SOD2: variants seen among roughly 807,000 people sequenced by gnomAD.
SOD2 encodes superoxide dismutase [Mn], mitochondrial.
A neutral mutation model predicts 27.0 loss-of-function variants in SOD2; 11 were observed. The observed-to-expected ratio is 0.41, with a 90% CI of 0.26 to 0.67. The LOEUF (loss-of-function observed/expected upper bound fraction) is 0.67. Ranked by LOEUF, SOD2 falls within the 30% of genes least tolerant of loss-of-function variation. The pLI is 0.34. For synonymous variants in SOD2, 105 were observed against 103.0 expected, an observed-to-expected ratio of 1.02 and a Z score of -0.12; for missense variants, 250 against 274.5, an observed-to-expected ratio of 0.91 and a Z score of 0.63.
chr6:159,698,858 A>T (rs1013859938), intron 1 of SOD2, among the ~76,000 whole-genome samples: 4 of 146,568 alleles, frequency 2.7e-5, no homozygotes, highest in Non-Finnish European at 5.9e-5. Context: ...GCAGAAGTGG[A>T]TCATCATAAA....
chr6:159,694,823 C>T (rs1413491196), upstream of SOD2, among the ~76,000 whole-genome samples: 2 of 150,272 alleles, frequency 1.3e-5, no homozygotes, highest in African/African-American at 4.9e-5. Context: ...AGGATGGTCT[C>T]GAACGCCTGA....
rs1317199283 is a variant in SOD2, at chr6:159,670,471, C to T, written c.*12022G>A. ...TGTAAGCACTACCAGCAAGTATACC[C>T]TACTGGTTGGAGAACTTTGTTTAAA... On this transcript the variant is annotated 3_prime_UTR_variant, in exon 5 of 5. Transcript: ENST00000538183. The T allele has an allele frequency of 6.6e-6, 1 of 152,186 alleles. No individual in the cohort carries two copies. The highest frequency in any genetic ancestry group is 1.5e-5 in the Non-Finnish European group (1 of 68,034). 9.4% of individuals were successfully genotyped at this position (152,186 alleles called of 1,614,324 possible).
upstream of SOD2, among the ~76,000 whole-genome samples, chr6:159,694,267 A>C (rs1777373569): frequency 6.6e-6 from 1 of 151,046 alleles, no homozygotes; most frequent in Non-Finnish European, 1.5e-5. Context: ...GAATGGTGTG[A>C]ATCTTCCATG....
At position 159,679,378 on chromosome 6, in the gene SOD2, C is replaced by T. The variant is rs112593431; in HGVS notation, c.*3115G>A. ...AACAGTACTTCCCCTGGAATTAAAACAGGAAATACAATTTATGTTTATACG... is the reference window on the plus strand; with the variant it reads ...AACAGTACTTCCCCTGGAATTAAAATAGGAAATACAATTTATGTTTATACG... On this transcript the variant is annotated 3_prime_UTR_variant, in exon 5 of 5. Transcript: ENST00000538183. 3.3e-5 allele frequency: 5 copies of T among 152,286 alleles called. No homozygotes were observed. Among genetic ancestry groups the T allele is most frequent in the African/African-American group, 1.2e-4 (5 of 41,560 alleles). 9.4% of individuals were successfully genotyped at this position (152,286 alleles called of 1,614,324 possible). A position where few individuals can be genotyped will look rare whatever the true frequency, so the allele number is the denominator to read the frequency against.
intron 1 of SOD2, chr6:159,712,833 G>T: frequency 1.7e-6 from 1 of 585,478 alleles, no homozygotes. Flanking sequence ...CCTACCATAA[G>T]CACCACCACT....
At chr6:159,686,350 GA>G (rs892006825) in intron 3 of SOD2, among the ~76,000 whole-genome samples, 6 of 151,920 alleles carry the variant, frequency 3.9e-5, no homozygotes, top group Non-Finnish European at 8.8e-5. Flanking sequence ...ACTGAACTCA[GA>G]AAAAAAATAA....
Position 159,669,791 on chromosome 6 carries a change from C to T in SOD2, c.*12702G>A, listed in dbSNP as rs1349352166. On this transcript the variant is annotated 3_prime_UTR_variant, in exon 5 of 5. Coordinates refer to ENST00000538183, the MANE Select transcript of SOD2 (RefSeq NM_000636.4). ...AGTTATTTCTGCTCTTTTTTGGCTT[C>T]CATTTGTATGCAATATCTTTCTCCA... 6.6e-6 allele frequency: 1 copy of T among 152,010 alleles called. No homozygotes were observed. Among genetic ancestry groups the T allele is most frequent in the Non-Finnish European group, 1.5e-5 (1 of 67,978 alleles). 9.4% of individuals were successfully genotyped at this position (152,010 alleles called of 1,614,324 possible).
chr6:159,694,311 G>A (rs539220389), upstream of SOD2, among the ~76,000 whole-genome samples: 9 of 152,272 alleles, frequency 5.9e-5, no homozygotes, highest in South Asian at 6.2e-4. Flanking sequence ...TGCCATTGGC[G>A]GGAGTTGCCC....
intron 4 of SOD2, 60 bp downstream of exon 4, chr6:159,684,794 A>G: frequency 7.6e-7 from 1 of 1,312,602 alleles, no homozygotes; most frequent in Non-Finnish European, 1.0e-6. Context: ...CCTTATTTCT[A>G]GTTGAATGCT....
At chr6:159,752,876 A>G (rs551827245) in intron 1 of SOD2, among the ~76,000 whole-genome samples, 2 of 152,172 alleles carry the variant, frequency 1.3e-5, no homozygotes, top group Non-Finnish European at 2.9e-5. Flanking sequence ...AGAGGCTGGC[A>G]CTACAAGCAT....
chr6:159,727,446 C>T (rs1422440097), upstream of SOD2: 52 of 919,230 alleles, frequency 5.7e-5, no homozygotes, highest in Non-Finnish European at 6.7e-5. Context: ...GGCTGTGGGG[C>T]GGGGCAGGGC....
intron 1 of SOD2, among the ~76,000 whole-genome samples, chr6:159,719,576 A>G (rs1215107718): frequency 6.6e-6 from 1 of 150,482 alleles, no homozygotes; most frequent in Non-Finnish European, 1.5e-5. Flanking sequence ...CAGTGAGCCA[A>G]GATCATGCTA....
At chr6:159,702,850 G>GAAAAAA (rs35570449) in intron 1 of SOD2, among the ~76,000 whole-genome samples, 1 of 30,674 alleles carries the variant, frequency 3.3e-5, no homozygotes. Context: ...ACCCTATCTC[G>GAAAAAA]AAAAAAAAAA....
chr6:159,694,040 G>A (rs186573661), upstream of SOD2, among the ~76,000 whole-genome samples: 57 of 152,326 alleles, frequency 3.7e-4, no homozygotes, highest in African/African-American at 1.3e-3. Flanking sequence ...TTGAGGTTAA[G>A]CAGCTTCTCC....
rs1192612889 is a variant in SOD2, at chr6:159,675,179, A to T, written c.*7314T>A. On this transcript the variant is annotated 3_prime_UTR_variant, in exon 5 of 5. Transcript: ENST00000538183. Reference sequence around the variant, plus strand: ...TGAAAATGGCTATACTGCCCAAGGTAATTTATAGATTCAATGCCATCCCCA... The same window carrying T: ...TGAAAATGGCTATACTGCCCAAGGTTATTTATAGATTCAATGCCATCCCCA... 2 of 152,216 alleles carry T rather than the reference A, an allele frequency of 1.3e-5. No individual in the cohort carries two copies. The highest frequency in any genetic ancestry group is 2.4e-5 in the African/African-American group (1 of 41,452). 9.4% of individuals were successfully genotyped at this position (152,216 alleles called of 1,614,324 possible). A position where few individuals can be genotyped will look rare whatever the true frequency, so the allele number is the denominator to read the frequency against.
At position 159,711,402 on chromosome 6, in the gene SOD2, C is replaced by A. The variant is rs1370347732; in HGVS notation, c.-116+15727G>T. On this transcript the variant is annotated intron_variant, in intron 1 of 2. Coordinates refer to the SOD2 transcript ENST00000401980. ...TGATCACCATAACCGCCTCCACAAC[C>A]ACCACTCACATTGCTCTGATCACCA... Among the ~76,000 whole-genome samples, 2 of 30,258 alleles carry A rather than the reference C, an allele frequency of 6.6e-5. 1 individual carries two copies. Among genetic ancestry groups the A allele is most frequent in the Non-Finnish European group, 1.3e-4 (2 of 15,026 alleles). 19.9% of individuals were successfully genotyped at this position (30,258 alleles called of 152,430 possible).
At position 159,699,480 on chromosome 6, in the gene SOD2, T is replaced by A. The variant is rs191694906; in HGVS notation, c.-115-6617A>T. Among the ~76,000 whole-genome samples, 199 of 151,812 alleles carry A rather than the reference T, an allele frequency of 1.3e-3. 3 individuals carry two copies. Among genetic ancestry groups the A allele is most frequent in the Admixed American group, 0.011 (171 of 15,234 alleles). On this transcript the variant is annotated intron_variant, in intron 1 of 2. Coordinates refer to the SOD2 transcript ENST00000401980. ...GAGTCCGGCAGAGCCCTCCATAAGA[T>A]CCTTTCATGAGGACTTCCTGCAACA...
At chr6:159,698,515 T>C (rs1777467032) in intron 1 of SOD2, among the ~76,000 whole-genome samples, 1 of 135,020 alleles carries the variant, frequency 7.4e-6, no homozygotes, top group South Asian at 2.3e-4. Context: ...AAGGTTGCAG[T>C]GAGCTGAGAT....
intron 1 of SOD2, among the ~76,000 whole-genome samples, chr6:159,732,881 T>C (rs1778667257): frequency 8.9e-6 from 1 of 112,252 alleles, no homozygotes; most frequent in Admixed American, 9.5e-5. Context: ...TCTGTATATA[T>C]ATATAGTGTG....
Sources: gnomAD v4.1 joint callset for allele counts (sites outside exome capture counted in the v4.1 genomes callset) on GRCh38, gnomAD v4.1.1 for gene constraint, MANE v1.5 for transcripts, NCBI Gene and HGNC (gene_info 2026-07-23, HGNC 2026-07-21) for gene names.